The following RNASET2 variants were observed in gnomAD, a reference collection of about 807,000 sequenced individuals.
RNASET2 encodes ribonuclease 6.
RNASET2 carries 28 observed loss-of-function variants against 33.9 expected under a neutral mutation model. The ratio of observed to expected loss-of-function variants is 0.83; its 90% CI spans 0.61 to 1.13. The LOEUF is 1.13. Ranked by LOEUF, RNASET2 falls within the 50% of genes most tolerant of loss-of-function variation. The probability of loss-of-function intolerance (pLI) is 0.00; values close to 1 mark genes in which losing one functional copy is unlikely to be tolerated. For synonymous variants in RNASET2, 123 were observed against 121.0 expected (o/e 1.02, Z -0.11); for missense variants, 330 against 319.9 (o/e 1.03, Z -0.24).
At position 166,933,861 on chromosome 6, in the gene RNASET2, G is replaced by C; in HGVS notation, c.492+230C>G. 1.7e-6 allele frequency: 1 copy of C among 586,340 alleles called. No individual in the cohort carries two copies. Among genetic ancestry groups the C allele is most frequent in the Non-Finnish European group, 3.0e-6 (1 of 329,446 alleles). The allele number at this position is 586,340 out of a possible 1,614,324, so 36.3% of individuals were successfully genotyped here. On this transcript the variant is annotated intron_variant, in intron 7 of 8. Coordinates refer to ENST00000508775, the MANE Select transcript of RNASET2 (RefSeq NM_003730.6). This position sits in a 1 kb window ranked among gnomAD's most constrained non-coding sequence, Gnocchi z 4.1. ...CCCTGGAGCACACACTTCTCACAAA[G>C]GGAGCCATGAAATCTGTGCTTCCAA...
At chr6:166,936,487 G>C (rs1347236107) in intron 6 of RNASET2, among the ~76,000 whole-genome samples, 1 of 152,204 alleles carries the variant, frequency 6.6e-6, no homozygotes, top group Non-Finnish European at 1.5e-5. Context: ...CATGGAACCA[G>C]ATTCTGCTTC....
intron 5 of RNASET2, among the ~76,000 whole-genome samples, chr6:166,940,741 C>G (rs1416280052): frequency 6.6e-6 from 1 of 152,010 alleles, no homozygotes; most frequent in Non-Finnish European, 1.5e-5. Context: ...TTGGACTGGA[C>G]CTTTTTTTTT....
intron 5 of RNASET2, among the ~76,000 whole-genome samples, chr6:166,942,225 G>A (rs1292911367): frequency 6.6e-6 from 1 of 151,974 alleles, no homozygotes; most frequent in East Asian, 1.9e-4. Context: ...GCTAATTTTT[G>A]TATTTTTAGT....
rs1778254016 is a variant in RNASET2 at position 166,922,893 on chromosome 6, C to A, written c.*6695G>T. 6.6e-6 allele frequency among the ~76,000 whole-genome samples: 1 copy of A among 152,156 alleles called. No individual in the cohort carries two copies. The highest frequency in any genetic ancestry group is 1.5e-5 in the Non-Finnish European group (1 of 68,022). On this transcript the variant is annotated 3_prime_UTR_variant, in exon 9 of 9. Transcript: ENST00000508775. ...AAGCTGTACACGCCAGGTTCAATGT[C>A]TTTGCTGGTAAAAATGGGCCACTGT...
intron 6 of RNASET2, among the ~76,000 whole-genome samples, chr6:166,935,376 A>G (rs1778541500): frequency 6.6e-6 from 1 of 152,194 alleles, no homozygotes; most frequent in Non-Finnish European, 1.5e-5. Flanking sequence ...ATTTAAAATG[A>G]CATCTGTGGC....
rs1479306745 is a variant in RNASET2, at chr6:166,924,995, G to A, written c.*4593C>T. Among the ~76,000 whole-genome samples, 1 of 152,148 alleles carries A rather than the reference G, an allele frequency of 6.6e-6. No homozygotes were observed. Among genetic ancestry groups the A allele is most frequent in the African/African-American group, 2.4e-5 (1 of 41,444 alleles). On this transcript the variant is annotated 3_prime_UTR_variant, in exon 9 of 9. Coordinates refer to ENST00000508775, the MANE Select transcript of RNASET2 (RefSeq NM_003730.6). ...GTACAGGCCTCACCTCCACCGCGCA[G>A]GCCTCATCTACGCCATCCAGCCCTC...
chr6:166,947,393 C>T (rs55878449), intron 3 of RNASET2, among the ~76,000 whole-genome samples: 3,611 of 152,266 alleles, frequency 0.024, 60 homozygotes, highest in Non-Finnish European at 0.037. Context: ...CCTAAGACCC[C>T]GACCCCTCAG....
chr6:166,929,708 C>T lies in RNASET2; in HGVS notation c.651G>A (p.Gly217=). ...CTTCCTGCTTGGGGGACGGCTGCTCCCCCGGCTCGGTGCAGTTTTGCAGCT... is the reference window on the plus strand; with the variant it reads ...CTTCCTGCTTGGGGGACGGCTGCTCTCCCGGCTCGGTGCAGTTTTGCAGCT... The part of the protein sequence containing the change: ...DQQLQNCTEP[G]EQPSPKQEVW... The change falls in exon 9 of 9, where the codon GGG becomes GGA. Residue 217 remains glycine (G), a synonymous_variant. Coordinates refer to ENST00000508775, the MANE Select transcript of RNASET2 (RefSeq NM_003730.6). 6.2e-7 allele frequency: 1 copy of T among 1,614,116 alleles called. No homozygotes were observed. Among genetic ancestry groups the T allele is most frequent in the Non-Finnish European group, 8.5e-7 (1 of 1,180,040 alleles).
rs1038712862 is a variant in RNASET2, at chr6:166,924,315, G to A, written c.*5273C>T. Among the ~76,000 whole-genome samples the A allele has an allele frequency of 6.6e-6, 1 of 152,052 alleles. No homozygotes were observed. Among genetic ancestry groups the A allele is most frequent in the Admixed American group, 6.6e-5 (1 of 15,264 alleles). ...GGAGTTTCACCATACTGTCCAGGCTGGTCTCGAACTCCTGACCTTGGGATC... is the reference window on the plus strand; with the variant it reads ...GGAGTTTCACCATACTGTCCAGGCTAGTCTCGAACTCCTGACCTTGGGATC... On this transcript the variant is annotated 3_prime_UTR_variant, in exon 9 of 9. Transcript: ENST00000508775.
intron 6 of RNASET2, chr6:166,934,376 A>G (rs189958566): frequency 3.1e-5 from 16 of 516,960 alleles, no homozygotes; most frequent in African/African-American, 2.9e-4. Context: ...CCAGTTCCTG[A>G]CTCCTTCGGA....
chr6:166,941,600 CT>C (rs1173986476), intron 5 of RNASET2, among the ~76,000 whole-genome samples: 3 of 152,186 alleles, frequency 2.0e-5, no homozygotes, highest in African/African-American at 7.2e-5. Context: ...AACGCACAGA[CT>C]GAGGGTCCAT....
chr6:166,942,185 T>C (rs1473273503), intron 5 of RNASET2, among the ~76,000 whole-genome samples: 1 of 151,206 alleles, frequency 6.6e-6, no homozygotes, highest in Non-Finnish European at 1.5e-5. Flanking sequence ...CCCAAGTAGC[T>C]GGGATTACAA....
chr6:166,954,996 AT>A (rs778353697), intron 1 of RNASET2, among the ~76,000 whole-genome samples: 1 of 151,758 alleles, frequency 6.6e-6, no homozygotes, highest in African/African-American at 2.4e-5. Context: ...CTAAAAAAAA[AT>A]AAATAAGTAA....
At chr6:166,947,724 TAAGGAGCCAGGAGGCACCAATTAAGCTAA>T (rs1244651495) in intron 3 of RNASET2, among the ~76,000 whole-genome samples, 2 of 152,106 alleles carry the variant, frequency 1.3e-5, no homozygotes, top group African/African-American at 4.8e-5. Flanking sequence ...TCCCTCTTCC[TAAGGAGCCAGGAGGCACCAATTAAGCTAA>T]AAGGGCCCTT....
rs1229829513 is a variant in RNASET2, at chr6:166,929,257, G to A, written c.*331C>T. Among the ~76,000 whole-genome samples the A allele has an allele frequency of 6.6e-5, 10 of 152,182 alleles. No homozygotes were observed. The highest frequency in any genetic ancestry group is 1.7e-4 in the African/African-American group (7 of 41,440). ...GCAACAGGCTCCGAGGGGAAAACTCGAGCAAGAGAGTCCCCTGAATCGGTG... is the reference window on the plus strand; with the variant it reads ...GCAACAGGCTCCGAGGGGAAAACTCAAGCAAGAGAGTCCCCTGAATCGGTG... On this transcript the variant is annotated 3_prime_UTR_variant, in exon 9 of 9. Coordinates refer to ENST00000508775, the MANE Select transcript of RNASET2 (RefSeq NM_003730.6).
In RNASET2 at chr6:166,937,940, G is replaced by A. The variant is rs561047923; in HGVS notation, c.446+955C>T. Among the ~76,000 whole-genome samples, 3 of 152,350 alleles carry A rather than the reference G, an allele frequency of 2.0e-5. No homozygotes were observed. In the East Asian group the frequency reaches 5.8e-4, roughly 29 times the overall value. On this transcript the variant is annotated intron_variant, in intron 6 of 8. Coordinates refer to ENST00000508775, the MANE Select transcript of RNASET2 (RefSeq NM_003730.6). ...GCTGTTAGACTGCGTTTCATCAGAT[G>A]ACACAGGAGACCATCTGTGTGAGAC...
At chr6:166,938,180 C>T (rs1263485835) in intron 6 of RNASET2, among the ~76,000 whole-genome samples, 5 of 152,174 alleles carry the variant, frequency 3.3e-5, no homozygotes, top group Admixed American at 2.6e-4. Context: ...ATGTTTTTCA[C>T]GACTTCACTG....
In RNASET2 at chr6:166,946,732, T is replaced by C; in HGVS notation, c.211A>G (p.Lys71Glu). The change falls in exon 4 of 9, where the codon AAA becomes GAA. Residue 71 changes from lysine (K) to glutamate (E), a missense_variant. Coordinates refer to ENST00000508775, the MANE Select transcript of RNASET2 (RefSeq NM_003730.6). ...YWTIHGLWPD[K>E]SEGCNRSWPF... ...CACGATCTATTACATCCTTCACTTTTATCGGGCCTGGAAATTCAAATTTAA... is the reference window on the plus strand; with the variant it reads ...CACGATCTATTACATCCTTCACTTTCATCGGGCCTGGAAATTCAAATTTAA... The C allele has an allele frequency of 6.4e-7, 1 of 1,565,428 alleles. No individual in the cohort carries two copies. Among genetic ancestry groups the C allele is most frequent in the Non-Finnish European group, 8.7e-7 (1 of 1,147,004 alleles).
intron 8 of RNASET2, among the ~76,000 whole-genome samples, chr6:166,930,692 GCACATGCA>G (rs986000535): frequency 1.2e-4 from 17 of 144,344 alleles, no homozygotes; most frequent in African/African-American, 4.5e-4. Context: ...TGCGCATACA[GCACATGCA>G]CACATGCATG....
Sources: gnomAD v4.1 joint callset for allele counts (sites outside exome capture counted in the v4.1 genomes callset) on GRCh38, gnomAD v4.1.1 for gene constraint, Gnocchi (gnomAD v3.1) non-coding constraint, MANE v1.5 for transcripts, NCBI Gene and HGNC (gene_info 2026-07-23, HGNC 2026-07-21) for gene names.